ST18: variants seen among roughly 807,000 people sequenced by gnomAD.
The protein encoded by ST18 is ST18 C2H2C-type zinc finger transcription factor.
A neutral mutation model predicts 110.0 loss-of-function variants in ST18; 50 were observed. The ratio of observed to expected loss-of-function variants is 0.45; its 90% CI spans 0.36 to 0.58. The LOEUF (loss-of-function observed/expected upper bound fraction) is 0.58, where lower values mean the gene tolerates loss of function less well. Ranked by LOEUF, ST18 falls within the 20% of genes least tolerant of loss-of-function variation. The probability of loss-of-function intolerance (pLI) is 0.00; values close to 1 mark genes in which losing one functional copy is unlikely to be tolerated. For missense variants in ST18, 1,306 were observed against 1,280.1 expected, an observed-to-expected ratio of 1.02 and a Z score of -0.31; for synonymous variants, 461 against 452.4, an observed-to-expected ratio of 1.02 and a Z score of -0.24.
Position 52,261,183 on chromosome 8 carries a change from G to A in ST18, c.-464-31106C>T, listed in dbSNP as rs143192557. On this transcript the variant is annotated intron_variant, in intron 2 of 25. Coordinates refer to ENST00000689386, the MANE Select transcript of ST18 (RefSeq NM_001352837.2). Reference sequence around the variant, plus strand: ...GAAAACTCACATAAATAAATCATTTGCAAAGACTTTTAAAATGGGTGAAGT... The same window carrying A: ...GAAAACTCACATAAATAAATCATTTACAAAGACTTTTAAAATGGGTGAAGT... Among the ~76,000 whole-genome samples the A allele has an allele frequency of 5.3e-3, 806 of 152,260 alleles. 3 individuals carry two copies. The highest frequency in any genetic ancestry group is 6.9e-3 in the Non-Finnish European group (469 of 68,012).
At chr8:52,382,136 T>G (rs1419260119) in intron 2 of ST18, among the ~76,000 whole-genome samples, 3 of 152,200 alleles carry the variant, frequency 2.0e-5, no homozygotes, top group Non-Finnish European at 2.9e-5. Context: ...CAAAACCTTC[T>G]GGCACCCAAA....
intron 2 of ST18, among the ~76,000 whole-genome samples, chr8:52,345,379 T>G (rs72642788): frequency 0.012 from 1,892 of 152,358 alleles, 20 homozygotes; most frequent in Non-Finnish European, 0.021. Context: ...GCAGAGGGCT[T>G]GGCAATGAAC....
At chr8:52,257,353 CT>C (rs1445610016) in intron 2 of ST18, among the ~76,000 whole-genome samples, 2 of 152,168 alleles carry the variant, frequency 1.3e-5, no homozygotes, top group Non-Finnish European at 2.9e-5. Flanking sequence ...GTTTGAGGAA[CT>C]GCTAAATAGT....
intron 2 of ST18, among the ~76,000 whole-genome samples, chr8:52,337,207 C>T (rs1812532438): frequency 6.6e-6 from 1 of 152,140 alleles, no homozygotes; most frequent in African/African-American, 2.4e-5. Flanking sequence ...GATGGAAAGT[C>T]AACAATGTGA....
At chr8:52,163,918 G>T in intron 13 of ST18, 68 bp downstream of exon 13, 2 of 1,269,154 alleles carry the variant, frequency 1.6e-6, no homozygotes, top group South Asian at 1.3e-5. Context: ...ACTCATGAAG[G>T]ACCAGAGGCC....
chr8:52,209,783 A>AT (rs1489226649), intron 8 of ST18, among the ~76,000 whole-genome samples: 29 of 139,008 alleles, frequency 2.1e-4, no homozygotes, highest in African/African-American at 7.5e-4. Flanking sequence ...AAAAAAAAAA[A>AT]AAAAAATATA....
intron 25 of ST18, among the ~76,000 whole-genome samples, chr8:52,115,671 T>A (rs1377420425): frequency 1.3e-5 from 2 of 152,184 alleles, no homozygotes; most frequent in African/African-American, 4.8e-5. Context: ...TCACACAACA[T>A]CAAAATTGCC....
At chr8:52,188,062 T>G (rs1414049255) in intron 8 of ST18, among the ~76,000 whole-genome samples, 1 of 152,222 alleles carries the variant, frequency 6.6e-6, no homozygotes, top group Non-Finnish European at 1.5e-5. Context: ...TAAACATTTA[T>G]TTATCAATGT....
intron 15 of ST18, among the ~76,000 whole-genome samples, chr8:52,157,356 T>C (rs78906926): frequency 0.024 from 3,605 of 152,232 alleles, 75 homozygotes; most frequent in Middle Eastern, 0.051. Flanking sequence ...CTTACCGTAG[T>C]CATTTCAGTA....
chr8:52,325,718 C>T (rs77664140), intron 2 of ST18, among the ~76,000 whole-genome samples: 26 of 152,044 alleles, frequency 1.7e-4, no homozygotes, highest in Admixed American at 1.6e-3. Flanking sequence ...TAAAATTTCC[C>T]GATTTCCAGC....
chr8:52,277,467 T>TG (rs1211304444), intron 2 of ST18, among the ~76,000 whole-genome samples: 10 of 152,212 alleles, frequency 6.6e-5, no homozygotes, highest in Middle Eastern at 3.2e-3. Context: ...ATGTTGAGAT[T>TG]TCTAACCAAG....
In ST18 at chr8:52,166,892, G is replaced by A. The variant is rs753164442; in HGVS notation, c.1164C>T (p.Ser388=). The change falls in exon 11 of 26, where the codon AGC becomes AGT. Residue 388 remains serine, a synonymous_variant. Coordinates refer to ENST00000689386, the MANE Select transcript of ST18 (RefSeq NM_001352837.2). ...GCACTTTGTGGGGGCACCCCGAAAG[G>A]CTGCGGTGGTGCGGGTAGAGCCCTG... is the stretch of plus-strand genomic sequence containing the variant. The part of the protein sequence containing the change: ...HVTGLYPHHR[S]LSGCPHKVRV... 8.7e-6 allele frequency: 14 copies of A among 1,606,634 alleles called. No homozygotes were observed. Among genetic ancestry groups the A allele is most frequent in the African/African-American group, 1.3e-5 (1 of 74,850 alleles).
At chr8:52,337,224 C>T (rs1166405959) in intron 2 of ST18, among the ~76,000 whole-genome samples, 1 of 152,122 alleles carries the variant, frequency 6.6e-6, no homozygotes, top group Non-Finnish European at 1.5e-5. Flanking sequence ...GTGACATTTG[C>T]CATAAGAAAA....
At chr8:52,300,287 T>G (rs555516581) in intron 2 of ST18, among the ~76,000 whole-genome samples, 71 of 152,296 alleles carry the variant, frequency 4.7e-4, no homozygotes, top group South Asian at 1.0e-3. Context: ...TATATTGCTA[T>G]ACAGATTCTT....
At chr8:52,213,466 G>A (rs973547533) in intron 7 of ST18, among the ~76,000 whole-genome samples, 15 of 150,906 alleles carry the variant, frequency 9.9e-5, no homozygotes, top group African/African-American at 3.4e-4. Flanking sequence ...GTGGGTTGGG[G>A]TGGGTGGGGA....
intron 22 of ST18, among the ~76,000 whole-genome samples, chr8:52,129,825 A>G (rs1410432184): frequency 6.6e-6 from 1 of 152,082 alleles, no homozygotes; most frequent in Non-Finnish European, 1.5e-5. Context: ...TGGGCAGATC[A>G]CCTGAGGTCA....
chr8:52,374,156 ACCT>A (rs1227370028), intron 2 of ST18, among the ~76,000 whole-genome samples: 1 of 152,176 alleles, frequency 6.6e-6, no homozygotes, highest in Non-Finnish European at 1.5e-5. Context: ...CATAAATATG[ACCT>A]TATTTGGAAA....
chr8:52,243,831 T>A (rs1263753590), intron 2 of ST18, among the ~76,000 whole-genome samples: 1 of 152,080 alleles, frequency 6.6e-6, no homozygotes, highest in Non-Finnish European at 1.5e-5. Flanking sequence ...TTCTTGTCAA[T>A]GATTTTCCGC....
chr8:52,121,726 T>C (rs1022103519), intron 23 of ST18, among the ~76,000 whole-genome samples: 3 of 152,240 alleles, frequency 2.0e-5, no homozygotes, highest in Non-Finnish European at 4.4e-5. Flanking sequence ...ATGTTTCATC[T>C]GTTTTGGAAG....
Sources: allele counts gnomAD v4.1 joint callset (sites outside exome capture counted in the v4.1 genomes callset), GRCh38; gene constraint gnomAD v4.1.1; transcripts MANE v1.5; gene names NCBI Gene and HGNC (gene_info 2026-07-23, HGNC 2026-07-21).